Variants in UBE2L3 observed in about 807,000 individuals in gnomAD.
UBE2L3 encodes ubiquitin conjugating enzyme E2 L3, also known as ubiquitin-conjugating enzyme E2 L3.
Under a neutral mutation model 17.8 loss-of-function variants are expected in UBE2L3, and 1 was observed. That is an observed-to-expected ratio of 0.06 (90% CI 0.02 to 0.27). The LOEUF (loss-of-function observed/expected upper bound fraction) is 0.27, where lower values mean the gene tolerates loss of function less well. Ranked by LOEUF, UBE2L3 falls within the 10% of genes least tolerant of loss-of-function variation. The probability of loss-of-function intolerance (pLI) is 1.00; values close to 1 mark genes in which losing one functional copy is unlikely to be tolerated. For missense variants in UBE2L3, 40 were observed against 192.6 expected (o/e 0.21, Z 4.69); for synonymous variants, 44 against 68.5 (o/e 0.64, Z 1.76).
intron 1 of UBE2L3, among the ~76,000 whole-genome samples, chr22:21,589,473 T>A (rs1928143628): frequency 6.6e-6 from 1 of 152,200 alleles, no homozygotes. Context: ...CTAAATAGTT[T>A]CTGTCCACAG....
intron 1 of UBE2L3, among the ~76,000 whole-genome samples, chr22:21,570,487 GA>G (rs1180122741): frequency 6.6e-6 from 1 of 152,214 alleles, no homozygotes; most frequent in Non-Finnish European, 1.5e-5. Flanking sequence ...ACCTAAGGTA[GA>G]ATTGTGGAAC....
chr22:21,589,169 G>A (rs966652166), intron 1 of UBE2L3, among the ~76,000 whole-genome samples: 25 of 120,040 alleles, frequency 2.1e-4, no homozygotes, highest in Admixed American at 8.7e-4. Flanking sequence ...TTTTTGAGAC[G>A]GAGTCTCGCT....
At chr22:21,563,823 C>A (rs542951282), upstream of UBE2L3, among the ~76,000 whole-genome samples, 195 of 151,870 alleles carry the variant, frequency 1.3e-3, 1 homozygote, top group Middle Eastern at 3.4e-3. Flanking sequence ...GATCCGCCTG[C>A]CTCAGCTTCC....
At chr22:21,568,112 T>A in intron 1 of UBE2L3, 1 of 1,082,262 alleles carries the variant, frequency 9.2e-7, no homozygotes, top group Non-Finnish European at 1.1e-6. Context: ...GTTGGGAGGC[T>A]CCAAACCGGG....
At chr22:21,578,086 G>C (rs551258037) in intron 1 of UBE2L3, among the ~76,000 whole-genome samples, 1 of 152,198 alleles carries the variant, frequency 6.6e-6, no homozygotes. Flanking sequence ...GGCCGGGCAC[G>C]GTGGCTCAGG....
At position 21,570,217 on chromosome 22, in the gene UBE2L3, C is replaced by T. The variant is rs185403081; in HGVS notation, c.27+2446C>T. On this transcript the variant is annotated intron_variant, in intron 1 of 3. Coordinates refer to ENST00000342192, the MANE Select transcript of UBE2L3 (RefSeq NM_003347.4). ...ATCTTGACCTAATTCATCCTGGTAG[C>T]CCCCTAGCCTATCCCAGTTGACCCA... Among the ~76,000 whole-genome samples, 12 of 152,248 alleles carry T rather than the reference C, an allele frequency of 7.9e-5. No homozygotes were observed. In the East Asian group the frequency reaches 1.5e-3, roughly 20 times the overall value.
chr22:21,584,030 C>A (rs954165050), intron 1 of UBE2L3, among the ~76,000 whole-genome samples: 7 of 151,798 alleles, frequency 4.6e-5, no homozygotes, highest in African/African-American at 1.5e-4. Flanking sequence ...CGTGTGCCAC[C>A]ATGCTGGGCT....
chr22:21,610,150 GAT>G, intron 2 of UBE2L3, among the ~76,000 whole-genome samples: 1 of 152,204 alleles, frequency 6.6e-6, no homozygotes, highest in East Asian at 1.9e-4. Context: ...ATGGTTTATA[GAT>G]GGTGCCTTTT....
intron 3 of UBE2L3, among the ~76,000 whole-genome samples, chr22:21,621,217 T>C (rs952480383): frequency 1.3e-5 from 2 of 152,136 alleles, no homozygotes; most frequent in African/African-American, 4.8e-5. Context: ...GACTGAGGGC[T>C]AAGACCTCCC....
At chr22:21,600,228 G>A (rs894072414) in intron 2 of UBE2L3, among the ~76,000 whole-genome samples, 4 of 151,922 alleles carry the variant, frequency 2.6e-5, no homozygotes, top group East Asian at 3.9e-4. Context: ...CAGGAGAATC[G>A]CTTGAACCGG....
At chr22:21,568,962 G>A (rs1417124939) in intron 1 of UBE2L3, among the ~76,000 whole-genome samples, 1 of 152,162 alleles carries the variant, frequency 6.6e-6, no homozygotes, top group African/African-American at 2.4e-5. Context: ...AACAGTCAGA[G>A]GACTTCAGAC....
chr22:21,581,529 C>T lies in UBE2L3; in HGVS notation c.28-11332C>T, dbSNP rs1248862008. Among the ~76,000 whole-genome samples, 9 of 152,248 alleles carry T rather than the reference C, an allele frequency of 5.9e-5. No individual in the cohort carries two copies. The East Asian group carries it at 1.5e-3, about 26-fold the overall frequency. Reference sequence around the variant, plus strand: ...GAAAAAAAAACCTTCAGGCTGGGCACGGTGGCTCACACTTGTAATCCCAGC... The same window carrying T: ...GAAAAAAAAACCTTCAGGCTGGGCATGGTGGCTCACACTTGTAATCCCAGC... On this transcript the variant is annotated intron_variant, in intron 1 of 3. Transcript: ENST00000342192.
intron 1 of UBE2L3, among the ~76,000 whole-genome samples, chr22:21,583,638 G>A (rs1568975707): frequency 6.6e-6 from 1 of 152,158 alleles, no homozygotes. Context: ...AGTGCAGGTG[G>A]CTTCTTTCTG....
Position 21,611,476 on chromosome 22 carries a change from A to G in UBE2L3, c.310+433A>G, listed in dbSNP as rs1239715194. On this transcript the variant is annotated intron_variant, in intron 3 of 3. Coordinates refer to ENST00000342192, the MANE Select transcript of UBE2L3 (RefSeq NM_003347.4). Reference sequence around the variant, plus strand: ...GAGGTTGGAGAGGGCCTTCCAGGCTATAGGAAGGGCATGGGCTAGAGCCTA... The same window carrying G: ...GAGGTTGGAGAGGGCCTTCCAGGCTGTAGGAAGGGCATGGGCTAGAGCCTA... Among the ~76,000 whole-genome samples, 3 of 152,308 alleles carry G rather than the reference A, an allele frequency of 2.0e-5. No individual in the cohort carries two copies. The East Asian group carries it at 5.8e-4, about 29-fold the overall frequency.
At chr22:21,589,241 G>A (rs543932345) in intron 1 of UBE2L3, among the ~76,000 whole-genome samples, 2 of 151,044 alleles carry the variant, frequency 1.3e-5, no homozygotes, top group African/African-American at 4.9e-5. Flanking sequence ...TGCCTCCTGG[G>A]TTCACGCCTT....
At chr22:21,612,090 AAAAGCCTTGGAAGGTGGAGTTC>A (rs1183656220) in intron 3 of UBE2L3, among the ~76,000 whole-genome samples, 1 of 152,162 alleles carries the variant, frequency 6.6e-6, no homozygotes, top group African/African-American at 2.4e-5. Context: ...AGTGATTGAA[AAAAGCCTTGGAAGGTGGAGTTC>A]AAAGCCTTGC....
At chr22:21,612,215 A>T (rs1015957604) in intron 3 of UBE2L3, among the ~76,000 whole-genome samples, 4 of 152,220 alleles carry the variant, frequency 2.6e-5, no homozygotes, top group African/African-American at 4.8e-5. Flanking sequence ...AGTGGGTGCT[A>T]AACATTCAGT....
chr22:21,571,305 T>A (rs768838756), intron 1 of UBE2L3, among the ~76,000 whole-genome samples: 2 of 152,202 alleles, frequency 1.3e-5, no homozygotes, highest in Admixed American at 6.5e-5. Context: ...ACTGCACACA[T>A]TTCCCCTAAG....
At chr22:21,598,509 T>C (rs945472043) in intron 2 of UBE2L3, among the ~76,000 whole-genome samples, 29 of 151,756 alleles carry the variant, frequency 1.9e-4, no homozygotes, top group Non-Finnish European at 2.8e-4. Context: ...GTTATTGATT[T>C]CTAGTTCCCT....
Sources: allele counts gnomAD v4.1 joint callset (sites outside exome capture counted in the v4.1 genomes callset), GRCh38; gene constraint gnomAD v4.1.1; transcripts MANE v1.5; gene names NCBI Gene and HGNC (gene_info 2026-07-23, HGNC 2026-07-21).